The following SUN2 variants were observed in gnomAD, a reference collection of about 807,000 sequenced individuals.
SUN2 encodes the protein Sad1 and UNC84 domain containing 2.
SUN2 carries 60 observed loss-of-function variants against 100.0 expected under a neutral mutation model. That is an observed-to-expected ratio of 0.60 (90% confidence interval 0.49 to 0.74). The LOEUF (loss-of-function observed/expected upper bound fraction) is 0.74. SUN2 is among the 30% of genes least tolerant of loss of function. SUN2 has a pLI of 0.00. For synonymous variants in SUN2, 367 were observed against 403.3 expected, an observed-to-expected ratio of 0.91 and a Z score of 1.08; for missense variants, 834 against 954.6, an observed-to-expected ratio of 0.87 and a Z score of 1.66.
chr22:38,738,297 GC>G lies in SUN2; in HGVS notation c.1948-33del. ...AGAGAGCGGAGGGAAGTGGGGAGGG[GC>G]TGGAGCAGGGAGAACACCCCTCCCC... On this transcript the variant is annotated intron_variant, in intron 16 of 17. Coordinates refer to ENST00000689035, the MANE Select transcript of SUN2 (RefSeq NM_015374.3). This position sits in a 1 kb window ranked among gnomAD's most constrained non-coding sequence, Gnocchi z 6.6. 1 of 1,586,212 alleles carries G rather than the reference GC, an allele frequency of 6.3e-7. No homozygotes were observed.
At chr22:38,742,738 G>A in intron 8 of SUN2, 183 bp from the exon 9 acceptor site, 1 of 709,114 alleles carries the variant, frequency 1.4e-6, no homozygotes, top group Non-Finnish European at 2.2e-6. Flanking sequence ...AGCTGGGTGT[G>A]CTGGGAGCCA....
rs566953413 is a variant in SUN2 at position 38,742,444 on chromosome 22, C to T, written c.925G>A (p.Glu309Lys). Residue 309 changes from glutamate (E) to lysine (K), a missense_variant, in exon 9 of 18, where the codon GAG becomes AAG. Physicochemically the swap from Glu to Lys is moderately conservative, Grantham distance 56. This residue lies in a region of SUN2 where 559 missense variants were observed against 597.7 expected (regional missense o/e 0.94). Coordinates refer to ENST00000689035, the MANE Select transcript of SUN2 (RefSeq NM_015374.3). ...QKEAMRLERLELRQGAPGQGG... is the reference protein window; with the variant it reads ...QKEAMRLERLKLRQGAPGQGG... ...TGGCCAGGAGCCCCTTGCCGCAGCTCCAGACGTTCCAGCCGCATGGCCTCC... is the reference window on the plus strand; with the variant it reads ...TGGCCAGGAGCCCCTTGCCGCAGCTTCAGACGTTCCAGCCGCATGGCCTCC... The T allele has an allele frequency of 1.2e-6, 2 of 1,613,622 alleles. No individual in the cohort carries two copies. Among genetic ancestry groups the T allele is most frequent in the South Asian group, 2.2e-5 (2 of 91,092 alleles).
chr22:38,755,684 G>A lies in SUN2; in HGVS notation c.-38+79C>T, dbSNP rs1228910914. The A allele has an allele frequency of 7.1e-6, 7 of 980,546 alleles. No individual in the cohort carries two copies. Among genetic ancestry groups the A allele is most frequent in the Admixed American group, 6.2e-5 (1 of 16,242 alleles). 60.7% of individuals were successfully genotyped at this position (980,546 alleles called of 1,614,324 possible). On this transcript the variant is annotated intron_variant, in intron 1 of 17. Transcript: ENST00000689035. This position sits in a 1 kb window ranked among gnomAD's most constrained non-coding sequence, Gnocchi z 5.7. ...GAAGCAGGCCTGGCGGCGCGGCCCC[G>A]CCCGAGTGGCCCGACGGTGACCCGG... is the stretch of plus-strand genomic sequence containing the variant.
intron 10 of SUN2, 149 bp downstream of exon 10, chr22:38,741,345 G>A (rs893439383): frequency 1.1e-5 from 9 of 820,020 alleles, no homozygotes; most frequent in South Asian, 3.2e-5. Flanking sequence ...CTAAGGGGTC[G>A]GGGGTCAAAC....
Position 38,748,679 on chromosome 22 carries a change from T to A in SUN2, c.685+34A>T, listed in dbSNP as rs775714924. 2.5e-6 allele frequency: 4 copies of A among 1,613,548 alleles called. No individual in the cohort carries two copies. The Admixed American group carries it at 6.7e-5, about 27-fold the overall frequency. Reference sequence around the variant, plus strand: ...CACCACCCTCTGGTGAACACATCTCTGTGCCTCCCTCTGCTCTCCCCATGC... The same window carrying A: ...CACCACCCTCTGGTGAACACATCTCAGTGCCTCCCTCTGCTCTCCCCATGC... On this transcript the variant is annotated intron_variant, in intron 7 of 17. Transcript: ENST00000689035.
In SUN2 at chr22:38,738,561, G is replaced by A. The variant is rs2092827262; in HGVS notation, c.1947+26C>T. On this transcript the variant is annotated intron_variant, in intron 16 of 17. Coordinates refer to ENST00000689035, the MANE Select transcript of SUN2 (RefSeq NM_015374.3). The surrounding 1 kb of genome is among the most constrained non-coding windows in gnomAD (Gnocchi z 6.6). ...CACAGGATCCCCCTGCAGCCCCTCT[G>A]GCCCCACCACAGGACAGATACTCAC... is the stretch of plus-strand genomic sequence containing the variant. 6.2e-7 allele frequency: 1 copy of A among 1,603,824 alleles called. No homozygotes were observed. The highest frequency in any genetic ancestry group is 8.5e-7 in the Non-Finnish European group (1 of 1,172,362).
rs1017533492 is a variant in SUN2 at position 38,736,099 on chromosome 22, A to T, written c.*168T>A. ...CTGCTGGAGCCTGCTAACCGCCTCG[A>T]GCCACCTGCTGCTCAGGAGACCCTG... On this transcript the variant is annotated 3_prime_UTR_variant, in exon 18 of 18. Transcript: ENST00000689035. The T allele has an allele frequency of 5.6e-6, 4 of 709,632 alleles. No homozygotes were observed. Among genetic ancestry groups the T allele is most frequent in the Non-Finnish European group, 7.7e-6 (3 of 390,624 alleles). The allele number at this position is 709,632 out of a possible 1,614,324, so 44.0% of individuals were successfully genotyped here.
At chr22:38,750,823 G>C in intron 4 of SUN2, 75 bp downstream of exon 4, 2 of 1,588,026 alleles carry the variant, frequency 1.3e-6, no homozygotes, top group Non-Finnish European at 1.7e-6. Context: ...CCAGCTCCCC[G>C]GGGCTCCCTG....
At position 38,736,073 on chromosome 22, in the gene SUN2, G is replaced by GC; in HGVS notation, c.*193dup. The stretch of plus-strand genomic sequence containing the variant: ...GGGCACAGAGGGAAGGAAGAAGGGA[G>GC]CTGCTGGAGCCTGCTAACCGCCTCG... On this transcript the variant is annotated 3_prime_UTR_variant, in exon 18 of 18. Coordinates refer to ENST00000689035, the MANE Select transcript of SUN2 (RefSeq NM_015374.3). The GC allele has an allele frequency of 1.5e-6, 1 of 652,362 alleles. No homozygotes were observed. Among genetic ancestry groups the GC allele is most frequent in the Non-Finnish European group, 2.8e-6 (1 of 353,414 alleles). The allele number at this position is 652,362 out of a possible 1,614,324, so 40.4% of individuals were successfully genotyped here. A position where few individuals can be genotyped will look rare whatever the true frequency, so the allele number is the denominator to read the frequency against.
intron 8 of SUN2, chr22:38,742,998 T>G (rs1025311787): frequency 1.4e-4 from 23 of 160,028 alleles, no homozygotes; most frequent in African/African-American, 5.0e-4. Context: ...TCTCAATGGC[T>G]TTCACTCCTT....
At position 38,755,981 on chromosome 22, in the gene SUN2, G is replaced by C. The variant is rs1054391864; in HGVS notation, c.-256C>G. On this transcript the variant is annotated 5_prime_UTR_variant, in exon 1 of 18. Coordinates refer to ENST00000689035, the MANE Select transcript of SUN2 (RefSeq NM_015374.3). The surrounding 1 kb of genome is among the most constrained non-coding windows in gnomAD (Gnocchi z 5.7). ...CGGAGGCCCGCGCTGCGCGAGTGGG[G>C]CCGGGCGGCGCGCGTGTGGCCGACT... 1 of 984,148 alleles carries C rather than the reference G, an allele frequency of 1.0e-6. No homozygotes were observed. Among genetic ancestry groups the C allele is most frequent in the African/African-American group, 1.8e-5 (1 of 57,088 alleles). 61.0% of individuals were successfully genotyped at this position (984,148 alleles called of 1,614,324 possible).
In SUN2 at chr22:38,745,595, G is replaced by A. The variant is rs138712; in HGVS notation, c.813+89C>T. ...AGTACGCCTCAGCTTTGTGTGTACG[G>A]TGTGAGGCAGGCTGAGGGCGCACCC... On this transcript the variant is annotated intron_variant, in intron 8 of 17. Coordinates refer to ENST00000689035, the MANE Select transcript of SUN2 (RefSeq NM_015374.3). 473,814 of 1,538,726 alleles carry A rather than the reference G, an allele frequency of 0.31. 75,226 individuals are homozygous for A. Among genetic ancestry groups the A allele is most frequent in the East Asian group, 0.49 (21,533 of 44,288 alleles).
chr22:38,741,361 A>G, intron 10 of SUN2, 133 bp downstream of exon 10: 2 of 916,068 alleles, frequency 2.2e-6, no homozygotes, highest in Non-Finnish European at 3.4e-6. Context: ...CAAACAGAGA[A>G]GTCAGAGGAG....
Position 38,739,449 on chromosome 22 carries a change from C to T in SUN2, c.1579-23G>A, listed in dbSNP as rs35972770. 49,911 of 1,612,006 alleles carry T rather than the reference C, an allele frequency of 0.031. 963 individuals carry two copies. Among genetic ancestry groups the T allele is most frequent in the Middle Eastern group, 0.065 (386 of 5,928 alleles). Reference sequence around the variant, plus strand: ...CTGCTGCAATGCAGGCACCAGGAGACGGTTGCAGCAGGGAGCAGACGTGTC... The same window carrying T: ...CTGCTGCAATGCAGGCACCAGGAGATGGTTGCAGCAGGGAGCAGACGTGTC... On this transcript the variant is annotated intron_variant, in intron 13 of 17. Coordinates refer to ENST00000689035, the MANE Select transcript of SUN2 (RefSeq NM_015374.3). The surrounding 1 kb of genome is among the most constrained non-coding windows in gnomAD (Gnocchi z 6.7).
chr22:38,740,115 A>G lies in SUN2; in HGVS notation c.1356+152T>C, dbSNP rs2092841934. On this transcript the variant is annotated intron_variant, in intron 12 of 17. Coordinates refer to ENST00000689035, the MANE Select transcript of SUN2 (RefSeq NM_015374.3). This position sits in a 1 kb window ranked among gnomAD's most constrained non-coding sequence, Gnocchi z 4.8. ...AACAAAAACAGGAAGAACGCCTGTC[A>G]GTGAGAGCCCACATGTGTCAAGGCC... 2 of 1,227,660 alleles carry G rather than the reference A, an allele frequency of 1.6e-6. No homozygotes were observed. The highest frequency in any genetic ancestry group is 1.1e-6 in the Non-Finnish European group (1 of 906,026). The allele number at this position is 1,227,660 out of a possible 1,614,324, so 76.0% of individuals were successfully genotyped here. A position where few individuals can be genotyped will look rare whatever the true frequency, so the allele number is the denominator to read the frequency against.
At position 38,736,191 on chromosome 22, in the gene SUN2, G is replaced by C; in HGVS notation, c.*76C>G. ...GTGCTCCTAGAAGTCAGAGCGCCGA[G>C]CAAGCGTGTGGGGGAAGCGGCGGGG... On this transcript the variant is annotated 3_prime_UTR_variant, in exon 18 of 18. Coordinates refer to ENST00000689035, the MANE Select transcript of SUN2 (RefSeq NM_015374.3). 2.2e-6 allele frequency: 3 copies of C among 1,382,470 alleles called. No individual in the cohort carries two copies. Among genetic ancestry groups the C allele is most frequent in the Non-Finnish European group, 1.0e-6 (1 of 974,256 alleles). 85.6% of individuals were successfully genotyped at this position (1,382,470 alleles called of 1,614,324 possible).
chr22:38,735,396 A>C lies in SUN2; in HGVS notation c.*871T>G. 2.8e-6 allele frequency: 1 copy of C among 357,438 alleles called. No individual in the cohort carries two copies. 22.1% of individuals were successfully genotyped at this position (357,438 alleles called of 1,614,324 possible). On this transcript the variant is annotated 3_prime_UTR_variant, in exon 18 of 18. Transcript: ENST00000689035. ...AGAGCCCAGGAGTTCCATGCTCCCC[A>C]CTCTTCTTGCTATAACCCCAGATGC...
Position 38,748,771 on chromosome 22 carries a change from G to T in SUN2, c.627C>A (p.Ser209=). 6.2e-7 allele frequency: 1 copy of T among 1,614,234 alleles called. No individual in the cohort carries two copies. Residue 209 remains serine (S), a synonymous_variant, in exon 7 of 18, where the codon TCC becomes TCA. Transcript: ENST00000689035. ...DVFVLTRRFS[S]LKTFLWFLLP... is the part of the protein sequence containing the mutation. The stretch of plus-strand genomic sequence containing the variant: ...GCAGGAACCAGAGGAACGTCTTCAG[G>T]GACGAGAAGCGCCTGGACCACGCGG...
chr22:38,742,666 C>A (rs1040367663), intron 8 of SUN2, 111 bp from the exon 9 acceptor site: 1 of 1,407,784 alleles, frequency 7.1e-7, no homozygotes, highest in South Asian at 1.4e-5. Flanking sequence ...ATTCCAGAGA[C>A]GTTCCAGCAT....
Sources: gnomAD v4.1 joint callset for allele counts on GRCh38, gnomAD v4.1.1 for gene constraint, gnomAD v4.1.1 regional missense constraint, Gnocchi (gnomAD v3.1) non-coding constraint, MANE v1.5 for transcripts, NCBI Gene and HGNC (gene_info 2026-07-23, HGNC 2026-07-21) for gene names.